CFAP99: variants seen among roughly 807,000 people sequenced by gnomAD.
The protein encoded by CFAP99 is cilia- and flagella-associated protein 99.
A neutral mutation model predicts 82.7 loss-of-function variants in CFAP99; 84 were observed. The observed-to-expected ratio is 1.02, with a 90% CI of 0.85 to 1.22. The LOEUF (loss-of-function observed/expected upper bound fraction) is 1.22, where lower values mean the gene tolerates loss of function less well. CFAP99 is among the 50% of genes most tolerant of loss of function. CFAP99 has a pLI of 0.00. For missense variants in CFAP99, 1,059 were observed against 983.5 expected (o/e 1.08, Z -1.03); for synonymous variants, 456 against 429.5 (o/e 1.06, Z -0.76).
At chr4:2,459,408 A>G (rs116104562) in intron 13 of CFAP99, 150 bp downstream of exon 13, 2 of 979,358 alleles carry the variant, frequency 2.0e-6, no homozygotes, top group Non-Finnish European at 2.9e-6. Context: ...CTCAACACCC[A>G]TGTGCCGCGG....
At chr4:2,421,356 T>A (rs796149605) in intron 1 of CFAP99, among the ~76,000 whole-genome samples, 48 of 142,170 alleles carry the variant, frequency 3.4e-4, no homozygotes, top group African/African-American at 1.2e-3. Context: ...CACCCTTTTT[T>A]TTTTTTTTTT....
At chr4:2,452,226 G>T in exon 11 of CFAP99, 1 of 1,536,176 alleles carries the variant, frequency 6.5e-7, no homozygotes, top group Non-Finnish European at 8.7e-7. Context: ...ACCGGGAGGA[G>T]CAGCTGGCTG....
At position 2,423,411 on chromosome 4, in the gene CFAP99, G is replaced by T. The variant is rs541696222; in HGVS notation, c.-17-3048G>T. On this transcript the variant is annotated intron_variant, in intron 1 of 14. Coordinates refer to ENST00000635017, the Ensembl canonical transcript of CFAP99. ...GCCCTGCCCTGAGTATTCCTGCCTT[G>T]GCAGGCTCAGGGGAGGGTGCTCAGT... Among the ~76,000 whole-genome samples the T allele has an allele frequency of 2.0e-5, 3 of 152,330 alleles. No individual in the cohort carries two copies. The East Asian group carries it at 5.8e-4, about 29-fold the overall frequency.
In CFAP99 at chr4:2,426,604, C is replaced by T. The variant is rs1313003835; in HGVS notation, c.111+18C>T. ...CCCTGCAGGTAGGATCTGCTGGGGG[C>T]TGCTGGGAGGCCACGCCAATGGCAC... On this transcript the variant is annotated intron_variant, in intron 2 of 14. Coordinates refer to ENST00000635017, the Ensembl canonical transcript of CFAP99. 5 of 1,499,352 alleles carry T rather than the reference C, an allele frequency of 3.3e-6. No homozygotes were observed. Among genetic ancestry groups the T allele is most frequent in the South Asian group, 2.4e-5 (2 of 83,358 alleles). 92.9% of individuals were successfully genotyped at this position (1,499,352 alleles called of 1,614,324 possible).
At chr4:2,425,517 A>G (rs1004091358) in intron 1 of CFAP99, among the ~76,000 whole-genome samples, 7 of 152,044 alleles carry the variant, frequency 4.6e-5, no homozygotes, top group African/African-American at 1.7e-4. Flanking sequence ...AGGGTAGAGG[A>G]GAGGTGCTCC....
rs571931328 is a variant in CFAP99 at position 2,440,441 on chromosome 4, C to T, written c.351+2277C>T. 4.8e-4 allele frequency among the ~76,000 whole-genome samples: 73 copies of T among 151,364 alleles called. 1 individual carries two copies. Among genetic ancestry groups the T allele is most frequent in the Middle Eastern group, 6.9e-3 (2 of 290 alleles). On this transcript the variant is annotated intron_variant, in intron 4 of 14. Transcript: ENST00000635017. ...GATTACAGGCGTGAGCCACCGCGCC[C>T]GGCCGACATTCTTAATAATTGCTGA... is the stretch of plus-strand genomic sequence containing the variant.
At chr4:2,454,581 C>CTTTTTTTTTTTTGTTTTTTTTTTTT (rs1459688913) in intron 11 of CFAP99, among the ~76,000 whole-genome samples, 1 of 94,722 alleles carries the variant, frequency 1.1e-5, no homozygotes, top group East Asian at 2.7e-4. Context: ...TGTTTTTTTT[C>CTTTTTTTTTTTTGTTTTTTTTTTTT]TTTTTTTTTT....
chr4:2,430,333 C>G (rs1380940831), intron 2 of CFAP99, among the ~76,000 whole-genome samples: 3 of 41,776 alleles, frequency 7.2e-5, no homozygotes, highest in African/African-American at 4.3e-4. Flanking sequence ...ACGGCAGACT[C>G]CGGACAGCGG....
chr4:2,419,825 C>T (rs1041214414), intron 1 of CFAP99, among the ~76,000 whole-genome samples: 22 of 152,078 alleles, frequency 1.4e-4, no homozygotes, highest in African/African-American at 5.1e-4. Flanking sequence ...CTCTTCCTAC[C>T]ACCCAGTCGA....
exon 13 of CFAP99, chr4:2,459,243 C>T (rs750839625): frequency 2.2e-4 from 340 of 1,534,260 alleles, no homozygotes; most frequent in Admixed American, 6.5e-4. Flanking sequence ...AGGGCAAGCT[C>T]GTGGACCTGA....
intron 12 of CFAP99, 63 bp from the exon 13 acceptor site, chr4:2,459,044 C>T: frequency 2.7e-6 from 4 of 1,457,614 alleles, no homozygotes; most frequent in South Asian, 2.7e-5. Flanking sequence ...GGGGAGGTGC[C>T]TTCCTGTCCA....
chr4:2,422,839 A>G lies in CFAP99; in HGVS notation c.-17-3620A>G, dbSNP rs114991062. Among the ~76,000 whole-genome samples, 792 of 152,282 alleles carry G rather than the reference A, an allele frequency of 5.2e-3. 5 individuals are homozygous for G. The highest frequency in any genetic ancestry group is 0.017 in the African/African-American group (712 of 41,552). ...CATTTATTTATTAGACAGGATCTCA[A>G]TGTGTCACCCAGCCTAGAGTGTGGT... On this transcript the variant is annotated intron_variant, in intron 1 of 14. Transcript: ENST00000635017.
intron 6 of CFAP99, among the ~76,000 whole-genome samples, chr4:2,447,930 TG>T (rs1734208107): frequency 1.6e-4 from 1 of 6,384 alleles, no homozygotes; most frequent in African/African-American, 7.9e-4. Context: ...AATGGATGGG[TG>T]GATGGATGGA....
Position 2,462,652 on chromosome 4 carries a change from C to T in CFAP99, c.1871C>T (p.Ala624Val), listed in dbSNP as rs1054767028. 4 of 1,284,072 alleles carry T rather than the reference C, an allele frequency of 3.1e-6. No homozygotes were observed. The highest frequency in any genetic ancestry group is 3.0e-4 in the Middle Eastern group (1 of 3,364). The allele number at this position is 1,284,072 out of a possible 1,614,324, so 79.5% of individuals were successfully genotyped here. A position where few individuals can be genotyped will look rare whatever the true frequency, so the allele number is the denominator to read the frequency against. The change falls in exon 15 of 15, where the codon GCC becomes GTC. Residue 624 changes from alanine to valine, a missense_variant. Physicochemically the swap from Ala to Val is moderately conservative, Grantham distance 64. Coordinates refer to ENST00000635017, the Ensembl canonical transcript of CFAP99. The surrounding 1 kb of genome is among the most constrained non-coding windows in gnomAD (Gnocchi z 4.1). ...GAGCCCGGGCGACTGAAAGCCGGGG[C>T]CGGGTGGGGATGGCGGGCGCGGCGC...
chr4:2,436,750 C>G, intron 2 of CFAP99, 124 bp from the exon 3 acceptor site: 1 of 754,494 alleles, frequency 1.3e-6, no homozygotes, highest in South Asian at 1.8e-5. Context: ...TTGGGGGCCC[C>G]ACTAACAGGC....
At chr4:2,454,581 C>CTTTTTTTTTTTTTTTTTTTTTTTTTT (rs200727697) in intron 11 of CFAP99, among the ~76,000 whole-genome samples, 5 of 94,712 alleles carry the variant, frequency 5.3e-5, no homozygotes, top group East Asian at 2.7e-4. Flanking sequence ...TGTTTTTTTT[C>CTTTTTTTTTTTTTTTTTTTTTTTTTT]TTTTTTTTTT....
chr4:2,443,314 G>T (rs530804413), intron 5 of CFAP99, 72 bp downstream of exon 5: 4 of 915,680 alleles, frequency 4.4e-6, no homozygotes, highest in Non-Finnish European at 5.1e-6. Flanking sequence ...CCACGGGCAC[G>T]GGAGCTCCAC....
intron 1 of CFAP99, among the ~76,000 whole-genome samples, chr4:2,420,398 A>C (rs1044251197): frequency 5.3e-5 from 8 of 152,022 alleles, no homozygotes; most frequent in Non-Finnish European, 7.4e-5. Context: ...CCCAAACCAC[A>C]CTCTCAGTCT....
intron 13 of CFAP99, among the ~76,000 whole-genome samples, chr4:2,459,765 C>G (rs909181347): frequency 2.0e-5 from 3 of 152,162 alleles, no homozygotes; most frequent in Non-Finnish European, 2.9e-5. Flanking sequence ...CCCCAGGCCC[C>G]GAAGCCTGGC....
Sources: gnomAD v4.1 joint callset for allele counts (sites outside exome capture counted in the v4.1 genomes callset) on GRCh38, gnomAD v4.1.1 for gene constraint, Gnocchi (gnomAD v3.1) non-coding constraint, MANE v1.5 for transcripts, NCBI Gene and HGNC (gene_info 2026-07-23, HGNC 2026-07-21) for gene names.